Variants in EPG5 observed in about 807,000 individuals in gnomAD.
The protein encoded by EPG5 is ectopic P-granules 5 autophagy tethering factor.
In EPG5, 159 loss-of-function variants were observed where a neutral mutation model predicts 302.7. That is an observed-to-expected ratio of 0.53 (90% CI 0.46 to 0.60). EPG5 has a LOEUF of 0.60. Among genes scored for constraint, EPG5 ranks in the 20% least tolerant of loss-of-function variants. The pLI is 0.00. For synonymous variants in EPG5, 1,158 were observed against 1,136.8 expected (o/e 1.02, Z -0.37); for missense variants, 2,896 against 3,092.4 (o/e 0.94, Z 1.51).
chr18:45,802,464 G>A, the EPG5 span, among the ~76,000 whole-genome samples: 1 of 152,102 alleles, frequency 6.6e-6, no homozygotes, highest in South Asian at 2.1e-4. Context: ...AGATTGCAGT[G>A]AGCTGAGACC....
rs1264372019 is a variant in EPG5, at chr18:45,912,433, G to C, written c.3840C>G (p.Leu1280=). Residue 1280 remains leucine, a synonymous_variant, in exon 22 of 44, where the codon CTC becomes CTG. Coordinates refer to ENST00000282041, the MANE Select transcript of EPG5 (RefSeq NM_020964.3). Reference sequence around the variant, plus strand: ...GCCTCTGGAGGGATGGCACGATGGGGAGCTTCAGCTGGGTCTGGGCTTTCT... The same window carrying C: ...GCCTCTGGAGGGATGGCACGATGGGCAGCTTCAGCTGGGTCTGGGCTTTCT... The part of the protein sequence containing the change: ...ALKKAQTQLK[L]PIVPSLQRLL... 1 of 1,602,288 alleles carries C rather than the reference G, an allele frequency of 6.2e-7. No individual in the cohort carries two copies. The highest frequency in any genetic ancestry group is 8.5e-7 in the Non-Finnish European group (1 of 1,176,274).
chr18:45,937,483 C>T (rs529422704), intron 10 of EPG5, among the ~76,000 whole-genome samples: 3 of 151,920 alleles, frequency 2.0e-5, no homozygotes, highest in Non-Finnish European at 2.9e-5. Context: ...CTCAGCTCAC[C>T]GCAACCTCCA....
intron 1 of EPG5, among the ~76,000 whole-genome samples, chr18:45,955,880 T>C (rs1182040197): frequency 1.3e-5 from 2 of 152,166 alleles, no homozygotes; most frequent in Non-Finnish European, 2.9e-5. Context: ...CGACAATTCT[T>C]CCATACAGGA....
chr18:45,860,563 G>T (rs1209576194), intron 39 of EPG5, among the ~76,000 whole-genome samples: 1 of 152,186 alleles, frequency 6.6e-6, no homozygotes, highest in Non-Finnish European at 1.5e-5. Context: ...AGGAACTACT[G>T]TGAGTTCCCT....
chr18:45,910,777 A>G (rs1257427965), intron 22 of EPG5, 35 bp from the exon 23 acceptor site: 2 of 1,540,420 alleles, frequency 1.3e-6, no homozygotes, highest in Non-Finnish European at 1.8e-6. Context: ...ATAACCTTTC[A>G]ACACAAGATG....
the EPG5 span, among the ~76,000 whole-genome samples, chr18:45,831,491 A>G: frequency 2.0e-5 from 3 of 152,234 alleles, no homozygotes; most frequent in Admixed American, 2.0e-4. Context: ...TAAAAAACAA[A>G]TAGTGGCTGA....
At chr18:45,819,746 T>C in the EPG5 span, among the ~76,000 whole-genome samples, 2 of 152,214 alleles carry the variant, frequency 1.3e-5, no homozygotes, top group African/African-American at 4.8e-5. Context: ...TATTATCTTC[T>C]GTCTAACTCT....
intron 39 of EPG5, 59 bp downstream of exon 39, chr18:45,865,556 T>C: frequency 6.4e-7 from 1 of 1,572,758 alleles, no homozygotes; most frequent in African/African-American, 1.3e-5. Context: ...TCACAGTGCC[T>C]TACGCACAGC....
chr18:45,844,508 A>G (rs1423191810), downstream of EPG5, among the ~76,000 whole-genome samples: 1 of 152,220 alleles, frequency 6.6e-6, no homozygotes, highest in Non-Finnish European at 1.5e-5. Context: ...CATCACATGT[A>G]CCCTATAAAT....
chr18:45,887,991 C>G, intron 28 of EPG5, 84 bp from the exon 29 acceptor site: 1 of 1,096,206 alleles, frequency 9.1e-7, no homozygotes, highest in Non-Finnish European at 1.2e-6. Flanking sequence ...TACAATTTCT[C>G]AGGCAATATT....
intron 7 of EPG5, among the ~76,000 whole-genome samples, chr18:45,945,085 G>T (rs2050757076): frequency 6.6e-6 from 1 of 152,124 alleles, no homozygotes; most frequent in Admixed American, 6.5e-5. Flanking sequence ...GAAGTAAAAA[G>T]ATCCTGAGAA....
In EPG5 at chr18:45,925,779, A is replaced by G; in HGVS notation, c.2677T>C (p.Cys893Arg). ...CAATTCAGTCCTTCAAGAATAACAC[A>G]GGCCAGTTTATTCTTCACCACTGTC... ...NLTVVKNKLACVILEGLNWGF... is the reference protein window; with the variant it reads ...NLTVVKNKLARVILEGLNWGF... The change falls in exon 14 of 44, where the codon TGT (cysteine) becomes CGT (arginine). Residue 893 changes from cysteine (C) to arginine (R), a missense_variant. Cys to Arg is a radical substitution (Grantham distance 180). Around this residue, in one of 5 missense-constraint regions of EPG5, gnomAD observed 1,390 missense variants for 1,430.0 expected, o/e 0.97. Transcript: ENST00000282041. The G allele has an allele frequency of 6.4e-7, 1 of 1,570,760 alleles. No individual in the cohort carries two copies. The highest frequency in any genetic ancestry group is 2.0e-5 in the Admixed American group (1 of 50,360).
intron 10 of EPG5, among the ~76,000 whole-genome samples, chr18:45,936,246 C>A (rs1330901717): frequency 6.6e-6 from 1 of 152,142 alleles, no homozygotes; most frequent in Non-Finnish European, 1.5e-5. Flanking sequence ...GAGCAGAAAC[C>A]ATGTCTTGTT....
chr18:45,901,059 A>AATAGCACAGCAG lies in EPG5; in HGVS notation c.4571_4582dup (p.Ser1524_Leu1527dup). On this transcript the variant is annotated inframe_insertion, in exon 26 of 44. Transcript: ENST00000282041. ...CAGCTGGGTGGCGTCCTTCTGACTC[A>AATAGCACAGCAG]ATAGCACAGCAGAGGAAATAACTGG... 6.2e-7 allele frequency: 1 copy of AATAGCACAGCAG among 1,614,152 alleles called. No homozygotes were observed.
At chr18:45,966,704 G>A (rs994456353) in intron 1 of EPG5, among the ~76,000 whole-genome samples, 2 of 152,174 alleles carry the variant, frequency 1.3e-5, no homozygotes, top group Non-Finnish European at 2.9e-5. Flanking sequence ...AACTTTCAAA[G>A]TGATCAGAAA....
the EPG5 span, among the ~76,000 whole-genome samples, chr18:45,828,541 A>C: frequency 6.6e-6 from 1 of 152,194 alleles, no homozygotes; most frequent in Non-Finnish European, 1.5e-5. Context: ...TGATAGGCAG[A>C]TATCACAACC....
chr18:45,910,940 T>C (rs2049878339), intron 22 of EPG5, among the ~76,000 whole-genome samples, 198 bp from the exon 23 acceptor site: 1 of 152,100 alleles, frequency 6.6e-6, no homozygotes, highest in Non-Finnish European at 1.5e-5. Context: ...TTTTAAAAAG[T>C]GTGAAATGCT....
chr18:45,933,455 G>C (rs751004852), intron 11 of EPG5, among the ~76,000 whole-genome samples: 1 of 152,144 alleles, frequency 6.6e-6, no homozygotes, highest in Non-Finnish European at 1.5e-5. Context: ...AAGGCAGGTG[G>C]ATCACTTGAG....
chr18:45,840,306 TC>T, the EPG5 span: 1 of 1,533,636 alleles, frequency 6.5e-7, no homozygotes, highest in Non-Finnish European at 8.9e-7. Context: ...ACCCAGGGGG[TC>T]CAGGCAGGAG....
Sources: gnomAD v4.1 joint callset for allele counts (sites outside exome capture counted in the v4.1 genomes callset) on GRCh38, gnomAD v4.1.1 for gene constraint, gnomAD v4.1.1 regional missense constraint, MANE v1.5 for transcripts, NCBI Gene and HGNC (gene_info 2026-07-23, HGNC 2026-07-21) for gene names.